Variants in ATXN1 observed in about 807,000 individuals in gnomAD.
ATXN1 encodes the protein ataxin-1.
In ATXN1, 8 loss-of-function variants were observed where a neutral mutation model predicts 56.4. The observed-to-expected ratio is 0.14, with a 90% CI of 0.08 to 0.26. The LOEUF (loss-of-function observed/expected upper bound fraction) is 0.26. Among genes scored for constraint, ATXN1 ranks in the 10% least tolerant of loss-of-function variants. The pLI is 1.00. For missense variants in ATXN1, 987 were observed against 1,106.5 expected, an observed-to-expected ratio of 0.89 and a Z score of 1.53; for synonymous variants, 514 against 494.6, an observed-to-expected ratio of 1.04 and a Z score of -0.52.
chr6:16,447,915 T>C (rs749295557), intron 6 of ATXN1, among the ~76,000 whole-genome samples: 8 of 151,788 alleles, frequency 5.3e-5, no homozygotes, highest in Non-Finnish European at 1.0e-4. Flanking sequence ...AAGCTCTCCA[T>C]GTGCCATATA....
intron 6 of ATXN1, among the ~76,000 whole-genome samples, chr6:16,479,355 T>C (rs868482127): frequency 2.0e-4 from 30 of 152,242 alleles, no homozygotes; most frequent in Middle Eastern, 3.2e-3. Flanking sequence ...CTGGAAAAGG[T>C]TAACATAATC....
rs1170165640 is a variant in ATXN1, at chr6:16,366,445, G to T, written c.-160-37975C>A. On this transcript the variant is annotated intron_variant, in intron 6 of 7. Coordinates refer to ENST00000436367, the MANE Select transcript of ATXN1 (RefSeq NM_001128164.2). ...AAGGGCCTCTTGGATTTTGTTAGTT[G>T]ATCAAGAATCTCAGAGACACTTAAA... 7.2e-5 allele frequency among the ~76,000 whole-genome samples: 11 copies of T among 152,174 alleles called. No homozygotes were observed. The South Asian group carries it at 2.1e-3, about 29-fold the overall frequency.
chr6:16,432,143 A>G (rs1392271886), intron 6 of ATXN1, among the ~76,000 whole-genome samples: 1 of 152,200 alleles, frequency 6.6e-6, no homozygotes, highest in Non-Finnish European at 1.5e-5. Flanking sequence ...CTCCAAAAGT[A>G]TTTACTTCAA....
At chr6:16,553,679 C>T (rs1351838911) in intron 4 of ATXN1, among the ~76,000 whole-genome samples, 1 of 152,132 alleles carries the variant, frequency 6.6e-6, no homozygotes, top group Admixed American at 6.5e-5. Context: ...TTACTCACCC[C>T]AGTCCAGCAT....
intron 6 of ATXN1, among the ~76,000 whole-genome samples, chr6:16,345,291 A>G (rs772444838): frequency 6.6e-6 from 1 of 152,206 alleles, no homozygotes; most frequent in Non-Finnish European, 1.5e-5. Flanking sequence ...AGTATAATAT[A>G]TTGTGTGAGA....
chr6:16,330,782 T>A (rs1760968966), intron 6 of ATXN1, among the ~76,000 whole-genome samples: 1 of 152,202 alleles, frequency 6.6e-6, no homozygotes, highest in Non-Finnish European at 1.5e-5. Context: ...AAGTTCTCAA[T>A]CCTTAATGAT....
At chr6:16,399,594 G>A (rs1758526570) in intron 6 of ATXN1, among the ~76,000 whole-genome samples, 1 of 152,168 alleles carries the variant, frequency 6.6e-6, no homozygotes, top group African/African-American at 2.4e-5. Context: ...AGCGGGGAGG[G>A]AAGACACATA....
At chr6:16,725,579 C>G (rs996751887) in intron 2 of ATXN1, among the ~76,000 whole-genome samples, 1 of 152,152 alleles carries the variant, frequency 6.6e-6, no homozygotes, top group Non-Finnish European at 1.5e-5. Context: ...TTGAAATGCC[C>G]TGTGAAAATA....
intron 6 of ATXN1, among the ~76,000 whole-genome samples, chr6:16,417,441 A>ATTTTT (rs1188606545): frequency 8.1e-5 from 11 of 136,524 alleles, no homozygotes; most frequent in Non-Finnish European, 1.3e-4. Flanking sequence ...CAAGTTTCTT[A>ATTTTT]TTTTTTTTTT....
chr6:16,742,758 T>C (rs1188724111), intron 2 of ATXN1, among the ~76,000 whole-genome samples: 1 of 152,162 alleles, frequency 6.6e-6, no homozygotes, highest in Admixed American at 6.5e-5. Flanking sequence ...TAAGATTAGA[T>C]GGACCTCCTA....
intron 6 of ATXN1, among the ~76,000 whole-genome samples, chr6:16,455,905 C>T (rs891417241): frequency 6.6e-6 from 1 of 152,108 alleles, no homozygotes; most frequent in Non-Finnish European, 1.5e-5. Context: ...GTAAAATGCA[C>T]CAATCAACGC....
At chr6:16,443,835 G>A (rs1404930681) in intron 6 of ATXN1, among the ~76,000 whole-genome samples, 2 of 152,128 alleles carry the variant, frequency 1.3e-5, no homozygotes, top group African/African-American at 2.4e-5. Context: ...ACGTACACAC[G>A]GCCAGGCACG....
In ATXN1 at chr6:16,736,373, G is replaced by A. The variant is rs189853003; in HGVS notation, c.-615+16860C>T. Among the ~76,000 whole-genome samples the A allele has an allele frequency of 4.1e-4, 62 of 152,200 alleles. 1 individual carries two copies. The highest frequency in any genetic ancestry group is 1.4e-3 in the African/African-American group (59 of 41,516). On this transcript the variant is annotated intron_variant, in intron 2 of 7. Transcript: ENST00000436367. ...TAATCTCCCTTCAGTGTATTTATTG[G>A]GCATTAGTTGTTATCTAACACAACA...
intron 4 of ATXN1, among the ~76,000 whole-genome samples, chr6:16,534,234 T>G (rs1017049653): frequency 6.6e-6 from 1 of 151,864 alleles, no homozygotes; most frequent in Non-Finnish European, 1.5e-5. Context: ...ATAACCCAGT[T>G]AACCAAAAAA....
chr6:16,579,049 C>T (rs1762476360), intron 4 of ATXN1, among the ~76,000 whole-genome samples: 1 of 152,164 alleles, frequency 6.6e-6, no homozygotes, highest in Non-Finnish European at 1.5e-5. Context: ...TGACTACTTC[C>T]CAGCTGCCAA....
intron 6 of ATXN1, among the ~76,000 whole-genome samples, chr6:16,349,531 C>T (rs1484870561): frequency 6.6e-6 from 1 of 151,690 alleles, no homozygotes; most frequent in African/African-American, 2.4e-5. Flanking sequence ...AAAAAAAACA[C>T]ATTTTCCTCC....
chr6:16,410,524 A>C lies in ATXN1; in HGVS notation c.-161+75448T>G, dbSNP rs1758774831. Reference sequence around the variant, plus strand: ...GCGATATTTTGGAGATTATGGTTCAACCAGTGATTTGTCTAAACCTGTTTG... The same window carrying C: ...GCGATATTTTGGAGATTATGGTTCACCCAGTGATTTGTCTAAACCTGTTTG... On this transcript the variant is annotated intron_variant, in intron 6 of 7. Coordinates refer to ENST00000436367, the MANE Select transcript of ATXN1 (RefSeq NM_001128164.2). This position sits in a 1 kb window ranked among gnomAD's most constrained non-coding sequence, Gnocchi z 4.6. Among the ~76,000 whole-genome samples, 1 of 152,200 alleles carries C rather than the reference A, an allele frequency of 6.6e-6. No homozygotes were observed. The highest frequency in any genetic ancestry group is 1.5e-5 in the Non-Finnish European group (1 of 68,018).
intron 6 of ATXN1, among the ~76,000 whole-genome samples, chr6:16,481,101 T>C (rs1479439386): frequency 6.6e-6 from 1 of 152,236 alleles, no homozygotes; most frequent in Non-Finnish European, 1.5e-5. Flanking sequence ...GACTTGAAGC[T>C]ATCCCCAGTG....
chr6:16,697,322 T>TCTG (rs1759185544), intron 2 of ATXN1, among the ~76,000 whole-genome samples: 1 of 152,194 alleles, frequency 6.6e-6, no homozygotes, highest in Admixed American at 6.5e-5. Context: ...TCTTCAACTA[T>TCTG]CTGTTTGCTT....
Sources: gnomAD v4.1 joint callset for allele counts (sites outside exome capture counted in the v4.1 genomes callset) on GRCh38, gnomAD v4.1.1 for gene constraint, Gnocchi (gnomAD v3.1) non-coding constraint, MANE v1.5 for transcripts, NCBI Gene and HGNC (gene_info 2026-07-23, HGNC 2026-07-21) for gene names.